ARHGEF17: variants seen among roughly 807,000 people sequenced by gnomAD.
ARHGEF17 encodes Rho guanine nucleotide exchange factor 17.
In ARHGEF17, 80 loss-of-function variants were observed where a neutral mutation model predicts 174.0. The ratio of observed to expected loss-of-function variants is 0.46; its 90% CI spans 0.38 to 0.55. ARHGEF17 has a LOEUF of 0.55. Ranked by LOEUF, ARHGEF17 falls within the 20% of genes least tolerant of loss-of-function variation. The pLI is 0.00. For synonymous variants in ARHGEF17, 1,311 were observed against 1,189.1 expected, an observed-to-expected ratio of 1.10 and a Z score of -2.11; for missense variants, 2,886 against 2,839.7, an observed-to-expected ratio of 1.02 and a Z score of -0.37.
intron 17 of ARHGEF17, 60 bp from the exon 18 acceptor site, chr11:73,364,392 G>T: frequency 6.2e-7 from 1 of 1,611,284 alleles, no homozygotes; most frequent in Non-Finnish European, 8.5e-7. Flanking sequence ...CATTTCAGGG[G>T]AGACCGAGGC....
chr11:73,310,863 A>T lies in ARHGEF17; in HGVS notation c.2225A>T (p.His742Leu), dbSNP rs1199926203. 6.2e-7 allele frequency: 1 copy of T among 1,612,164 alleles called. No individual in the cohort carries two copies. The highest frequency in any genetic ancestry group is 1.7e-5 in the Admixed American group (1 of 59,974). Residue 742 changes from histidine to leucine, a missense_variant, in exon 1 of 21, where the codon CAC (histidine) becomes CTC (leucine). This residue lies in a region of ARHGEF17 where 1,728 missense variants were observed against 1,461.2 expected (regional missense o/e 1.18). Transcript: ENST00000263674. ...CTGAGTGACCCAATTCCTCAGCGCC[A>T]CCGGGCTGCCACCTCTGAAGAGCCT... ...RSLSDPIPQR[H>L]RAATSEEPTG...
chr11:73,354,711 G>A (rs1241156346), intron 3 of ARHGEF17, among the ~76,000 whole-genome samples: 4 of 141,978 alleles, frequency 2.8e-5, no homozygotes, highest in Middle Eastern at 3.6e-3. Context: ...GTGAGACTCC[G>A]TCTCAAAAAA....
rs773652675 is a variant in ARHGEF17, at chr11:73,367,670, A to G, written c.6082A>G (p.Ser2028Gly). 14 of 1,614,096 alleles carry G rather than the reference A, an allele frequency of 8.7e-6. No homozygotes were observed. Among genetic ancestry groups the G allele is most frequent in the Non-Finnish European group, 1.2e-5 (14 of 1,180,002 alleles). Residue 2028 changes from serine (S) to glycine (G), a missense_variant, in exon 21 of 21, where the codon AGT becomes GGT. Transcript: ENST00000263674. ...TGCCAGGCCTAAAATGCTGGTTATC[A>G]GTGGAGGTGATGGCTATGAGGACTT... ...APARPKMLVISGGDGYEDFRL... is the reference protein window; with the variant it reads ...APARPKMLVIGGGDGYEDFRL...
chr11:73,355,492 G>A, intron 3 of ARHGEF17, 41 bp from the exon 4 acceptor site: 1 of 1,405,610 alleles, frequency 7.1e-7, no homozygotes. Context: ...GGTGGGGTGA[G>A]GGACACCTTG....
rs1341095173 is a variant in ARHGEF17 at position 73,329,355 on chromosome 11, ATATATATATATATATATATT to A, written c.3193-17526_3193-17507del. Among the ~76,000 whole-genome samples the A allele has an allele frequency of 4.4e-4, 5 of 11,454 alleles. 1 individual carries two copies. In the East Asian group the frequency reaches 5.0e-3, roughly 11 times the overall value. The allele number at this position is 11,454 out of a possible 152,430, so 7.5% of individuals were successfully genotyped here. On this transcript the variant is annotated intron_variant, in intron 1 of 20. Transcript: ENST00000263674. ...TATATATATATATATATATATATAT[ATATATATATATATATATATT>A]TTTTTTTTTTTTTTGTATTTTGGGT...
Position 73,310,022 on chromosome 11 carries a change from C to T in ARHGEF17, c.1384C>T (p.Leu462=), listed in dbSNP as rs774660799. Residue 462 remains leucine (L), a synonymous_variant, in exon 1 of 21, where the codon CTG becomes TTG. Coordinates refer to ENST00000263674, the MANE Select transcript of ARHGEF17 (RefSeq NM_014786.4). ...EPEKSRQRKS[L]SNPDIASETL... ...TGAAAAGAGTCGACAGCGGAAGTCCCTGTCAAATCCAGATATCGCCTCAGA... is the reference window on the plus strand; with the variant it reads ...TGAAAAGAGTCGACAGCGGAAGTCCTTGTCAAATCCAGATATCGCCTCAGA... 1.2e-6 allele frequency: 2 copies of T among 1,614,170 alleles called. No individual in the cohort carries two copies. Among genetic ancestry groups the T allele is most frequent in the South Asian group, 1.1e-5 (1 of 91,082 alleles).
At chr11:73,356,124 G>A in intron 5 of ARHGEF17, 51 bp from the exon 6 acceptor site, 18 of 1,604,286 alleles carry the variant, frequency 1.1e-5, no homozygotes, top group Non-Finnish European at 1.5e-5. Context: ...CAGCAGTCTG[G>A]GGCCCCAGGG....
At position 73,341,672 on chromosome 11, in the gene ARHGEF17, G is replaced by T. The variant is rs377004518; in HGVS notation, c.3193-5211G>T. 7.7e-4 allele frequency among the ~76,000 whole-genome samples: 118 copies of T among 152,358 alleles called. 2 individuals are homozygous for T. The highest frequency in any genetic ancestry group is 2.9e-3 in the Admixed American group (45 of 15,310). ...AGGAGAGGGAAAAGGCATGGGCCAA[G>T]ACCCTGAGGCAGGAGAGGGCATGGT... On this transcript the variant is annotated intron_variant, in intron 1 of 20. Transcript: ENST00000263674.
chr11:73,350,811 G>A (rs17310347), intron 2 of ARHGEF17, among the ~76,000 whole-genome samples: 10,609 of 152,048 alleles, frequency 0.07, 451 homozygotes, highest in Non-Finnish European at 0.1. Context: ...TCTCTTTTCC[G>A]TAGCACTCAC....
chr11:73,309,312 C>T lies in ARHGEF17; in HGVS notation c.674C>T (p.Ala225Val). ...HSWHIFSQPQAGARASCSSSS... is the reference protein window; with the variant it reads ...HSWHIFSQPQVGARASCSSSS... ...TGGCATATCTTCTCCCAACCGCAGG[C>T]CGGGGCCCGGGCCTCCTGCTCCTCC... is the stretch of plus-strand genomic sequence containing the variant. The change falls in exon 1 of 21, where the codon GCC (alanine) becomes GTC (valine). Residue 225 changes from alanine (A) to valine (V), a missense_variant. This residue lies in a region of ARHGEF17 where 1,728 missense variants were observed against 1,461.2 expected (regional missense o/e 1.18). Transcript: ENST00000263674. 1.2e-6 allele frequency: 2 copies of T among 1,606,728 alleles called. No homozygotes were observed. Among genetic ancestry groups the T allele is most frequent in the Admixed American group, 1.7e-5 (1 of 59,850 alleles).
At chr11:73,345,842 C>T (rs1381285907) in intron 1 of ARHGEF17, among the ~76,000 whole-genome samples, 3 of 152,140 alleles carry the variant, frequency 2.0e-5, no homozygotes, top group Admixed American at 1.3e-4. Flanking sequence ...CAGGATCACT[C>T]TAGGGCTTTA....
intron 7 of ARHGEF17, 54 bp from the exon 8 acceptor site, chr11:73,356,971 G>A (rs929602905): frequency 1.8e-5 from 28 of 1,582,776 alleles, no homozygotes; most frequent in Non-Finnish European, 2.3e-5. Context: ...TGGGCAGGGG[G>A]GTGGGCTTCT....
intron 10 of ARHGEF17, among the ~76,000 whole-genome samples, 178 bp downstream of exon 10, chr11:73,360,130 G>A (rs1865712255): frequency 6.6e-6 from 1 of 152,174 alleles, no homozygotes; most frequent in African/African-American, 2.4e-5. Flanking sequence ...GTCTGAGGGT[G>A]GAGACATAGC....
At chr11:73,340,672 G>A (rs1299576175) in intron 1 of ARHGEF17, among the ~76,000 whole-genome samples, 3 of 152,178 alleles carry the variant, frequency 2.0e-5, no homozygotes, top group East Asian at 1.9e-4. Context: ...GATGAGGGAC[G>A]AGGTGCCCTG....
At chr11:73,311,906 C>T (rs1864844864) in intron 1 of ARHGEF17, 76 bp downstream of exon 1, 2 of 1,485,290 alleles carry the variant, frequency 1.3e-6, no homozygotes, top group East Asian at 2.4e-5. Context: ...GAGCCTTTTG[C>T]ATTGTATTCA....
At chr11:73,346,805 C>T (rs1313678344) in intron 1 of ARHGEF17, 78 bp from the exon 2 acceptor site, 21 of 1,204,338 alleles carry the variant, frequency 1.7e-5, no homozygotes, top group East Asian at 3.0e-5. Flanking sequence ...GGCGGGTTCT[C>T]TGGGCACCAT....
intron 1 of ARHGEF17, among the ~76,000 whole-genome samples, chr11:73,312,650 G>A (rs931056833): frequency 1.3e-5 from 2 of 152,138 alleles, no homozygotes; most frequent in Non-Finnish European, 2.9e-5. Flanking sequence ...GGGGGCTGCA[G>A]AGGCTGGGCA....
At chr11:73,359,228 C>T (rs1420988356) in intron 9 of ARHGEF17, among the ~76,000 whole-genome samples, 1 of 152,238 alleles carries the variant, frequency 6.6e-6, no homozygotes, top group African/African-American at 2.4e-5. Flanking sequence ...CACTTCTTTT[C>T]CCTTGATTTC....
intron 2 of ARHGEF17, 191 bp downstream of exon 2, chr11:73,347,151 A>G (rs1306140679): frequency 2.8e-6 from 2 of 715,616 alleles, no homozygotes; most frequent in Non-Finnish European, 5.0e-6. Context: ...CTCCCGGGCA[A>G]GAGAGAATGC....
Sources: allele counts gnomAD v4.1 joint callset (sites outside exome capture counted in the v4.1 genomes callset), GRCh38; gene constraint gnomAD v4.1.1; regional missense constraint gnomAD v4.1.1; transcripts MANE v1.5; gene names NCBI Gene and HGNC (gene_info 2026-07-23, HGNC 2026-07-21).